Variants in FRYL observed in about 807,000 individuals in gnomAD.
FRYL encodes the protein protein furry homolog-like.
In FRYL, 150 loss-of-function variants were observed where a neutral mutation model predicts 351.2. The observed-to-expected ratio is 0.43, with a 90% CI of 0.37 to 0.49. The LOEUF (loss-of-function observed/expected upper bound fraction) is 0.49. Ranked by LOEUF, FRYL falls within the 20% of genes least tolerant of loss-of-function variation. FRYL has a pLI of 0.00. For missense variants in FRYL, 3,036 were observed against 3,619.3 expected (o/e 0.84, Z 4.13); for synonymous variants, 1,153 against 1,257.1 (o/e 0.92, Z 1.75).
At chr4:48,506,905 G>GA (rs1721185495) in intron 59 of FRYL, among the ~76,000 whole-genome samples, 1 of 151,798 alleles carries the variant, frequency 6.6e-6, no homozygotes, top group South Asian at 2.1e-4. Context: ...CATCTCTGAA[G>GA]AAAAACATGT....
chr4:48,604,381 C>T (rs1215656350), intron 11 of FRYL, among the ~76,000 whole-genome samples: 1 of 152,208 alleles, frequency 6.6e-6, no homozygotes, highest in Non-Finnish European at 1.5e-5. Context: ...CCTAACCCCA[C>T]AGACATCAGA....
At chr4:48,744,734 G>C (rs976098989) in intron 1 of FRYL, among the ~76,000 whole-genome samples, 7 of 152,062 alleles carry the variant, frequency 4.6e-5, no homozygotes, top group African/African-American at 1.7e-4. Flanking sequence ...CCCATACTTA[G>C]TCAAATCACA....
At chr4:48,727,649 A>C (rs758609007) in intron 1 of FRYL, among the ~76,000 whole-genome samples, 7 of 152,148 alleles carry the variant, frequency 4.6e-5, no homozygotes, top group Non-Finnish European at 8.8e-5. Context: ...AATCCCCCCT[A>C]CTTCCAAAAG....
At chr4:48,564,200 T>C (rs567885219) in intron 30 of FRYL, 98 bp from the exon 31 acceptor site, 19 of 1,241,484 alleles carry the variant, frequency 1.5e-5, no homozygotes, top group Admixed American at 2.7e-5. Context: ...CATATATTCA[T>C]TGTAATTAAT....
chr4:48,562,835 T>G, intron 32 of FRYL, 54 bp downstream of exon 32: 2 of 979,204 alleles, frequency 2.0e-6, no homozygotes, highest in South Asian at 2.7e-5. Context: ...ACTAAATTAT[T>G]GGGCTTCATT....
chr4:48,499,289 G>A lies in FRYL; in HGVS notation c.*133C>T. 1 of 736,200 alleles carries A rather than the reference G, an allele frequency of 1.4e-6. No homozygotes were observed. Among genetic ancestry groups the A allele is most frequent in the Non-Finnish European group, 2.3e-6 (1 of 439,776 alleles). 45.6% of individuals were successfully genotyped at this position (736,200 alleles called of 1,614,324 possible). A position where few individuals can be genotyped will look rare whatever the true frequency, so the allele number is the denominator to read the frequency against. On this transcript the variant is annotated 3_prime_UTR_variant, in exon 64 of 64. Transcript: ENST00000358350. ...TCAGATCTTTGTTTTTGATGATACA[G>A]TTTGACATTAGTTACACTAAAAAGT...
At chr4:48,566,275 A>G (rs1002527746) in intron 28 of FRYL, among the ~76,000 whole-genome samples, 3 of 152,188 alleles carry the variant, frequency 2.0e-5, no homozygotes, top group African/African-American at 4.8e-5. Flanking sequence ...GCTTTGAGAA[A>G]CACCAAAGTT....
rs188801655 is a variant in FRYL, at chr4:48,718,601, T to G, written c.-383-7903A>C. ...AATTCTCTCTTACAGAGGTTGAGACTTGTCTACTCTTCAAGTCCCCAGGCC... is the reference window on the plus strand; with the variant it reads ...AATTCTCTCTTACAGAGGTTGAGACGTGTCTACTCTTCAAGTCCCCAGGCC... On this transcript the variant is annotated intron_variant, in intron 1 of 63. Coordinates refer to ENST00000358350, the MANE Select transcript of FRYL (RefSeq NM_015030.2). 2.6e-4 allele frequency among the ~76,000 whole-genome samples: 39 copies of G among 151,584 alleles called. 3 individuals are homozygous for G. Among genetic ancestry groups the G allele is most frequent in the South Asian group, 1.0e-3 (5 of 4,794 alleles).
rs910094201 is a variant in FRYL, at chr4:48,580,858, T to C, written c.2259+7A>G. 9 of 1,588,350 alleles carry C rather than the reference T, an allele frequency of 5.7e-6. No homozygotes were observed. Among genetic ancestry groups the C allele is most frequent in the East Asian group, 2.2e-5 (1 of 44,702 alleles). ...AAGATTGGGTAGAATGAAGTCACTA[T>C]AGTTACCTGATCAGCCCCAGTGAGA... On this transcript the variant is annotated splice_region_variant and intron_variant, in intron 22 of 63. Coordinates refer to ENST00000358350, the MANE Select transcript of FRYL (RefSeq NM_015030.2).
At chr4:48,671,873 C>CAAAAAAAAAAAAAAAAAAAAAAAAA (rs71191252) in intron 3 of FRYL, among the ~76,000 whole-genome samples, 2 of 51,850 alleles carry the variant, frequency 3.9e-5, no homozygotes, top group African/African-American at 7.4e-5. Flanking sequence ...AAAAAAAAAA[C>CAAAAAAAAAAAAAAAAAAAAAAAAA]AAAAAAAAAA....
intron 1 of FRYL, among the ~76,000 whole-genome samples, chr4:48,756,836 T>C (rs1357534567): frequency 5.3e-5 from 8 of 152,076 alleles, no homozygotes; most frequent in Non-Finnish European, 8.8e-5. Context: ...TAGTCCAAGC[T>C]ACTTGGGAGG....
chr4:48,718,269 T>C (rs1295651085), intron 1 of FRYL, among the ~76,000 whole-genome samples: 1 of 151,656 alleles, frequency 6.6e-6, no homozygotes, highest in Non-Finnish European at 1.5e-5. Flanking sequence ...CTCTAAACAT[T>C]AAATCATGTA....
chr4:48,703,944 C>T (rs765309898), intron 2 of FRYL, among the ~76,000 whole-genome samples: 22 of 152,084 alleles, frequency 1.4e-4, no homozygotes, highest in Non-Finnish European at 2.5e-4. Context: ...ATGGCAATAC[C>T]ATTACCTGAT....
At chr4:48,602,463 G>A (rs1745906629) in intron 12 of FRYL, among the ~76,000 whole-genome samples, 1 of 152,066 alleles carries the variant, frequency 6.6e-6, no homozygotes, top group Non-Finnish European at 1.5e-5. Flanking sequence ...TTTGTCAAAT[G>A]TGTAACTTCA....
chr4:48,559,688 TA>T (rs1445090883), intron 33 of FRYL, among the ~76,000 whole-genome samples: 34 of 20,110 alleles, frequency 1.7e-3, no homozygotes, highest in Admixed American at 3.6e-3. Flanking sequence ...GGGAGGGGGA[TA>T]GGGGGTGGGG....
At chr4:48,721,935 C>T (rs1420540568) in intron 1 of FRYL, among the ~76,000 whole-genome samples, 1 of 152,108 alleles carries the variant, frequency 6.6e-6, no homozygotes, top group Non-Finnish European at 1.5e-5. Context: ...CCACTGCACC[C>T]AGCCCATATG....
intron 1 of FRYL, among the ~76,000 whole-genome samples, chr4:48,746,520 G>A (rs1052529300): frequency 2.6e-5 from 4 of 151,402 alleles, no homozygotes; most frequent in East Asian, 1.9e-4. Context: ...ACTCCAGCCC[G>A]GGCGACAGAG....
At chr4:48,635,550 G>C (rs1383025217) in intron 3 of FRYL, among the ~76,000 whole-genome samples, 1 of 152,208 alleles carries the variant, frequency 6.6e-6, no homozygotes, top group Non-Finnish European at 1.5e-5. Flanking sequence ...CTGGCAAATA[G>C]TAAGCTGCAT....
chr4:48,651,749 T>C (rs1757754137), intron 3 of FRYL, among the ~76,000 whole-genome samples: 2 of 152,242 alleles, frequency 1.3e-5, no homozygotes, highest in Admixed American at 6.5e-5. Flanking sequence ...TCCTTTTCTA[T>C]GGTCTTAATA....
Sources: allele counts gnomAD v4.1 joint callset (sites outside exome capture counted in the v4.1 genomes callset), GRCh38; gene constraint gnomAD v4.1.1; transcripts MANE v1.5; gene names NCBI Gene and HGNC (gene_info 2026-07-23, HGNC 2026-07-21).